ZNF365: variants seen among roughly 807,000 people sequenced by gnomAD.
ZNF365 encodes the protein zinc finger protein 365, also known as protein ZNF365.
A neutral mutation model predicts 35.0 loss-of-function variants in ZNF365; 22 were observed. The ratio of observed to expected loss-of-function variants is 0.63; its 90% CI spans 0.45 to 0.90. ZNF365 has a LOEUF of 0.90. Ranked by LOEUF, ZNF365 falls within the 40% of genes least tolerant of loss-of-function variation. ZNF365 has a pLI of 0.00. For missense variants in ZNF365, 448 were observed against 500.3 expected, an observed-to-expected ratio of 0.90 and a Z score of 1.00; for synonymous variants, 188 against 196.2, an observed-to-expected ratio of 0.96 and a Z score of 0.35.
chr10:62,397,731 C>G, intron 3 of ZNF365, among the ~76,000 whole-genome samples: 1 of 152,126 alleles, frequency 6.6e-6, no homozygotes, highest in African/African-American at 2.4e-5. Flanking sequence ...TCTTCATATT[C>G]TCTCATTTTA....
intron 2 of ZNF365, among the ~76,000 whole-genome samples, chr10:62,386,874 T>C (rs1181651036): frequency 6.6e-6 from 1 of 152,162 alleles, no homozygotes; most frequent in Non-Finnish European, 1.5e-5. Flanking sequence ...ATTAACTGTC[T>C]AGAACAACTG....
chr10:62,450,919 A>G (rs74158913), intron 3 of ZNF365, among the ~76,000 whole-genome samples: 1,647 of 152,334 alleles, frequency 0.011, 26 homozygotes, highest in African/African-American at 0.033. Context: ...TATTCATCAC[A>G]TATAGTTAAG....
intron 4 of ZNF365, among the ~76,000 whole-genome samples, chr10:62,465,750 A>AT (rs1461484120): frequency 6.6e-6 from 1 of 152,186 alleles, no homozygotes; most frequent in Non-Finnish European, 1.5e-5. Flanking sequence ...TTCTTCCTGG[A>AT]TGTGGGACAA....
At chr10:62,434,242 A>C (rs1489436946) in intron 3 of ZNF365, among the ~76,000 whole-genome samples, 1 of 152,198 alleles carries the variant, frequency 6.6e-6, no homozygotes. Flanking sequence ...CTTCGGGTCT[A>C]AGATTGCTCA....
Position 62,451,414 on chromosome 10 carries a change from T to C in ZNF365, c.925-8327T>C, listed in dbSNP as rs149059638. On this transcript the variant is annotated intron_variant, in intron 3 of 4. Coordinates refer to the ZNF365 transcript ENST00000395255. ...CATGGCTTGGCAGCGACAAAAAGCT[T>C]GGCTCTCACTCTTCCCTGGTGTGAC... 4.5e-3 allele frequency among the ~76,000 whole-genome samples: 687 copies of C among 152,172 alleles called. 6 individuals are homozygous for C. The highest frequency in any genetic ancestry group is 0.016 in the African/African-American group (644 of 41,520).
At position 62,388,484 on chromosome 10, in the gene ZNF365, C is replaced by G. The variant is rs778803179; in HGVS notation, c.832C>G (p.Leu278Val). The G allele has an allele frequency of 1.2e-6, 2 of 1,614,184 alleles. No homozygotes were observed. Among genetic ancestry groups the G allele is most frequent in the East Asian group, 2.2e-5 (1 of 44,892 alleles). Residue 278 changes from leucine to valine, a missense_variant, in exon 3 of 5, where the codon CTG becomes GTG. Physicochemically the swap from Leu to Val is conservative, Grantham distance 32 (BLOSUM62 1). Coordinates refer to ENST00000395254, the MANE Select transcript of ZNF365 (RefSeq NM_014951.3). ...CCGGCTCCAGGACTTTATTGAGAATCTGTTACAGCGGGTAGAACTGGCGGA... is the reference window on the plus strand; with the variant it reads ...CCGGCTCCAGGACTTTATTGAGAATGTGTTACAGCGGGTAGAACTGGCGGA... Reference protein sequence around the residue: ...KARLQDFIENLLQRVELAEKQ... With the variant: ...KARLQDFIENVLQRVELAEKQ...
chr10:62,431,287 C>G (rs1051027226), intron 3 of ZNF365, among the ~76,000 whole-genome samples: 1 of 152,170 alleles, frequency 6.6e-6, no homozygotes, highest in Non-Finnish European at 1.5e-5. Flanking sequence ...AACAGTACTT[C>G]TCTTGAGGGT....
intron 3 of ZNF365, among the ~76,000 whole-genome samples, chr10:62,440,218 CTTGT>C (rs1317273541): frequency 2.1e-5 from 3 of 145,244 alleles, no homozygotes; most frequent in Non-Finnish European, 4.7e-5. Flanking sequence ...ATCTCCTCTT[CTTGT>C]TTCTTTCTCT....
exon 5 of ZNF365, chr10:62,480,134 C>T (rs1167293031): frequency 1.7e-5 from 22 of 1,309,284 alleles, no homozygotes; most frequent in East Asian, 3.1e-5. Context: ...GAGGGCACAG[C>T]CCACCCCTCA....
At chr10:62,479,248 T>C (rs1184716425) in intron 4 of ZNF365, among the ~76,000 whole-genome samples, 3 of 152,204 alleles carry the variant, frequency 2.0e-5, no homozygotes, top group African/African-American at 4.8e-5. Flanking sequence ...TCCATATTCC[T>C]CCCACGTAGA....
chr10:62,434,246 T>C (rs1840374890), intron 3 of ZNF365, among the ~76,000 whole-genome samples: 1 of 152,196 alleles, frequency 6.6e-6, no homozygotes, highest in South Asian at 2.1e-4. Flanking sequence ...GGGTCTAAGA[T>C]TGCTCAGTGG....
intron 3 of ZNF365, among the ~76,000 whole-genome samples, chr10:62,447,262 C>T (rs910286218): frequency 6.6e-6 from 1 of 152,126 alleles, no homozygotes. Context: ...TTAACCTCCC[C>T]TTTACATACA....
chr10:62,424,948 G>A (rs1475927406), intron 3 of ZNF365, among the ~76,000 whole-genome samples: 3 of 152,170 alleles, frequency 2.0e-5, no homozygotes, highest in Admixed American at 2.0e-4. Flanking sequence ...GCTAGAGAAT[G>A]GCTGTTGGCA....
rs1839833371 is a variant in ZNF365 at position 62,401,765 on chromosome 10, A to C, written c.*1976A>C. 1.6e-5 allele frequency: 16 copies of C among 985,526 alleles called. No individual in the cohort carries two copies. The highest frequency in any genetic ancestry group is 1.9e-5 in the Non-Finnish European group (16 of 829,904). 61.0% of individuals were successfully genotyped at this position (985,526 alleles called of 1,614,324 possible). A position where few individuals can be genotyped will look rare whatever the true frequency, so the allele number is the denominator to read the frequency against. ...ATGACAACTTGTTTCTGTTTTATTT[A>C]AAGTAACTGACATTTTGGATTTTCA... is the stretch of plus-strand genomic sequence containing the variant. On this transcript the variant is annotated 3_prime_UTR_variant, in exon 5 of 5. Coordinates refer to ENST00000395254, the MANE Select transcript of ZNF365 (RefSeq NM_014951.3).
At chr10:62,447,886 T>C (rs1840616313) in intron 3 of ZNF365, among the ~76,000 whole-genome samples, 2 of 152,204 alleles carry the variant, frequency 1.3e-5, no homozygotes, top group African/African-American at 4.8e-5. Context: ...CAGCACTGGG[T>C]AAGGGACCCA....
At chr10:62,473,060 G>A (rs548788197) in intron 4 of ZNF365, among the ~76,000 whole-genome samples, 3 of 152,210 alleles carry the variant, frequency 2.0e-5, no homozygotes, top group African/African-American at 7.2e-5. Flanking sequence ...TCGGCCATAC[G>A]CCCCTTGGGG....
In ZNF365 at chr10:62,452,907, A is replaced by C. The variant is rs568558816; in HGVS notation, c.925-6834A>C. 3.1e-4 allele frequency among the ~76,000 whole-genome samples: 47 copies of C among 152,384 alleles called. 1 individual carries two copies. In the South Asian group the frequency reaches 9.5e-3, roughly 31 times the overall value. On this transcript the variant is annotated intron_variant, in intron 3 of 4. Coordinates refer to the ZNF365 transcript ENST00000395255. ...TTGAATCCTTCCTACTGCCACCTTC[A>C]TTGTTCCATAAATATATTCTTTGCT...
intron 3 of ZNF365, among the ~76,000 whole-genome samples, chr10:62,417,386 T>C (rs771116250): frequency 1.3e-5 from 2 of 152,054 alleles, no homozygotes; most frequent in Non-Finnish European, 2.9e-5. Context: ...GAGCCTGCTA[T>C]AAAAATGAAC....
At chr10:62,456,590 A>G (rs1449400915) in intron 3 of ZNF365, among the ~76,000 whole-genome samples, 3 of 152,254 alleles carry the variant, frequency 2.0e-5, no homozygotes, top group Non-Finnish European at 4.4e-5. Context: ...CATATAAACA[A>G]GATCAGAGGC....
Sources: allele counts gnomAD v4.1 joint callset (sites outside exome capture counted in the v4.1 genomes callset), GRCh38; gene constraint gnomAD v4.1.1; transcripts MANE v1.5; gene names NCBI Gene and HGNC (gene_info 2026-07-23, HGNC 2026-07-21).